ATP11C: variants seen among roughly 807,000 people sequenced by gnomAD.
The protein encoded by ATP11C is phospholipid-transporting ATPase IG.
A neutral mutation model predicts 97.4 loss-of-function variants in ATP11C; 36 were observed. The ratio of observed to expected loss-of-function variants is 0.37; its 90% CI spans 0.28 to 0.49. ATP11C has a LOEUF of 0.49. Among genes scored for constraint, ATP11C ranks in the 20% least tolerant of loss-of-function variants. The pLI is 0.98. For missense variants in ATP11C, 730 were observed against 824.6 expected (o/e 0.89, Z 1.40); for synonymous variants, 275 against 290.9 (o/e 0.95, Z 0.56).
chrX:139,752,153 C>T (rs992957095), intron 23 of ATP11C, among the ~76,000 whole-genome samples: 7 of 111,390 alleles, frequency 6.3e-5, no homozygotes, highest in Admixed American at 3.8e-4. Flanking sequence ...CAAATGTCAC[C>T]TCATCAGAGA....
intron 1 of ATP11C, among the ~76,000 whole-genome samples, chrX:139,896,544 TATACAC>T (rs1414019764): frequency 4.5e-5 from 3 of 67,404 alleles, no homozygotes; most frequent in Admixed American, 1.9e-4. Context: ...CAGTTAATTT[TATACAC>T]ACACACACAC....
In ATP11C at chrX:139,826,842, A is replaced by G. The variant is rs1038117296; in HGVS notation, c.28-19T>C. ...CAGCACACTGACCAAGAGAAAAGGG[A>G]AAAAATTCAGTTTTTCATCACATTT... On this transcript the variant is annotated intron_variant, in intron 1 of 29. Coordinates refer to ENST00000682941, the MANE Select transcript of ATP11C (RefSeq NM_001353812.2). 2 of 1,193,451 alleles carry G rather than the reference A, an allele frequency of 1.7e-6. No individual in the cohort carries two copies. Among genetic ancestry groups the G allele is most frequent in the African/African-American group, 1.8e-5 (1 of 56,728 alleles).
intron 1 of ATP11C, among the ~76,000 whole-genome samples, chrX:139,846,758 T>A (rs1234368775): frequency 1.8e-5 from 2 of 111,468 alleles, no homozygotes; most frequent in Admixed American, 9.5e-5. Flanking sequence ...AACAGACTGA[T>A]ACTAGTTAGA....
At chrX:139,729,111 G>A (rs1447962068) in intron 29 of ATP11C, 149 bp from the exon 30 acceptor site, 6 of 409,986 alleles carry the variant, frequency 1.5e-5, no homozygotes, top group Non-Finnish European at 2.1e-5. Context: ...ACATGCAGGG[G>A]AAAAAAAGAG....
At chrX:139,919,488 CACACAA>C (rs1442681814) in intron 1 of ATP11C, among the ~76,000 whole-genome samples, 2 of 105,484 alleles carry the variant, frequency 1.9e-5, no homozygotes, top group Non-Finnish European at 3.9e-5. Flanking sequence ...CACACACACA[CACACAA>C]ACTACTTATT....
At chrX:139,819,478 T>A in intron 2 of ATP11C, 51 bp from the exon 3 acceptor site, 1 of 567,582 alleles carries the variant, frequency 1.8e-6, no homozygotes, top group South Asian at 4.5e-5. Flanking sequence ...ACTTGAAAAA[T>A]CTTAATAGTA....
At position 139,761,584 on chromosome X, in the gene ATP11C, C is replaced by A. The variant is rs192631607; in HGVS notation, c.2640+377G>T. Reference sequence around the variant, plus strand: ...ACCTCAAGTGATCCTCCCGCCTTGGCCTCCAAAAGCACTAGGATTACAGGA... The same window carrying A: ...ACCTCAAGTGATCCTCCCGCCTTGGACTCCAAAAGCACTAGGATTACAGGA... On this transcript the variant is annotated intron_variant, in intron 22 of 29. Transcript: ENST00000682941. Among the ~76,000 whole-genome samples, 564 of 111,222 alleles carry A rather than the reference C, an allele frequency of 5.1e-3. 8 individuals are homozygous for A. The highest frequency in any genetic ancestry group is 0.017 in the African/African-American group (521 of 30,649).
intron 22 of ATP11C, among the ~76,000 whole-genome samples, chrX:139,761,326 A>G (rs2082033572): frequency 9.0e-6 from 1 of 111,663 alleles, no homozygotes; most frequent in African/African-American, 3.3e-5. Flanking sequence ...TCTCAAAAAA[A>G]TTGTAAAAAC....
intron 12 of ATP11C, among the ~76,000 whole-genome samples, chrX:139,790,493 C>CA (rs1165145553): frequency 1.8e-5 from 2 of 111,090 alleles, no homozygotes; most frequent in Non-Finnish European, 3.8e-5. Context: ...CACACACACA[C>CA]ACACTCTTAC....
intron 1 of ATP11C, among the ~76,000 whole-genome samples, chrX:139,860,976 CAA>C (rs1254804964): frequency 8.9e-6 from 1 of 112,013 alleles, no homozygotes; most frequent in Non-Finnish European, 1.9e-5. Flanking sequence ...ACTCTTTGCT[CAA>C]GTCAATAATC....
chrX:139,785,252 A>G lies in ATP11C; in HGVS notation c.1640T>C (p.Met547Thr). The G allele has an allele frequency of 7.4e-6, 9 of 1,209,032 alleles. No individual in the cohort carries two copies. Among genetic ancestry groups the G allele is most frequent in the Non-Finnish European group, 1.0e-5 (9 of 893,937 alleles). The change falls in exon 16 of 30, where the codon ATG becomes ACG. Residue 547 changes from methionine to threonine, a missense_variant. Transcript: ENST00000682941. ...TLNFDAVRRR[M>T]SVIVKTQEGD... is the part of the protein sequence containing the mutation. ...TTCTTGAGTCTTCACAATTACACTC[A>G]TACGTCGCCGGACAGCATCAAAGTT...
At chrX:139,811,767 G>A (rs2083181200) in intron 5 of ATP11C, among the ~76,000 whole-genome samples, 1 of 110,942 alleles carries the variant, frequency 9.0e-6, no homozygotes, top group African/African-American at 3.3e-5. Flanking sequence ...TAGTGGGCAA[G>A]TTCCTTAACC....
At chrX:139,812,483 TG>T (rs1319920632) in intron 5 of ATP11C, among the ~76,000 whole-genome samples, 1 of 110,215 alleles carries the variant, frequency 9.1e-6, no homozygotes, top group Non-Finnish European at 1.9e-5. Flanking sequence ...CGTAGTGTAC[TG>T]GGAACAACAG....
intron 1 of ATP11C, among the ~76,000 whole-genome samples, chrX:139,866,367 A>AAAAAAAAAAAAAAAAAAAAAAAAAAAAT (rs2084286356): frequency 9.8e-6 from 1 of 102,536 alleles, no homozygotes; most frequent in East Asian, 3.1e-4. Flanking sequence ...AAAAAAAAAA[A>AAAAAAAAAAAAAAAAAAAAAAAAAAAAT]CAGAAAAGAC....
chrX:139,779,884 T>C (rs1179434529), intron 18 of ATP11C, among the ~76,000 whole-genome samples: 2 of 111,810 alleles, frequency 1.8e-5, no homozygotes, highest in Admixed American at 9.5e-5. Flanking sequence ...ACATCACAAC[T>C]GATACCACAG....
intron 27 of ATP11C, among the ~76,000 whole-genome samples, chrX:139,739,287 T>A (rs2081507296): frequency 9.0e-6 from 1 of 110,528 alleles, no homozygotes; most frequent in African/African-American, 3.3e-5. Flanking sequence ...TCCAGTTGTT[T>A]TTTGTTTTTT....
At position 139,814,906 on chromosome X, in the gene ATP11C, C is replaced by T. The variant is rs2083253812; in HGVS notation, c.398G>A (p.Arg133Gln). The part of the protein sequence containing the change: ...STVYIIENAK[R>Q]VRKESEKIKV... ...GATTTTTTCACTTTCTTTTCTCACT[C>T]GCTTTGCATTTTCAATAATGTAAAC... is the stretch of plus-strand genomic sequence containing the variant. Residue 133 changes from arginine to glutamine, a missense_variant, in exon 5 of 30, where the codon CGA becomes CAA. Physicochemically the swap from Arg to Gln is conservative, Grantham distance 43. Coordinates refer to ENST00000682941, the MANE Select transcript of ATP11C (RefSeq NM_001353812.2). The T allele has an allele frequency of 8.5e-7, 1 of 1,180,271 alleles. No homozygotes were observed. Among genetic ancestry groups the T allele is most frequent in the Admixed American group, 2.5e-5 (1 of 39,739 alleles).
chrX:139,808,394 GAGA>G (rs2083091612), intron 5 of ATP11C, among the ~76,000 whole-genome samples: 1 of 111,602 alleles, frequency 9.0e-6, no homozygotes, highest in African/African-American at 3.3e-5. Context: ...AGAGAACTTC[GAGA>G]AGGATAACTA....
At chrX:139,907,256 T>C (rs777875290) in intron 1 of ATP11C, among the ~76,000 whole-genome samples, 4 of 111,968 alleles carry the variant, frequency 3.6e-5, no homozygotes, top group Non-Finnish European at 7.5e-5. Context: ...CCTGTCTCCC[T>C]TGTGGCTAGG....
Sources: allele counts gnomAD v4.1 joint callset (sites outside exome capture counted in the v4.1 genomes callset), GRCh38; gene constraint gnomAD v4.1.1; transcripts MANE v1.5; gene names NCBI Gene and HGNC (gene_info 2026-07-23, HGNC 2026-07-21).